BCAS3: variants seen among roughly 807,000 people sequenced by gnomAD.
The protein encoded by BCAS3 is BCAS4/BCAS3 fusion.
In BCAS3, 53 loss-of-function variants were observed where a neutral mutation model predicts 116.1. That is an observed-to-expected ratio of 0.46 (90% CI 0.37 to 0.57). The LOEUF (loss-of-function observed/expected upper bound fraction) is 0.57. Among genes scored for constraint, BCAS3 ranks in the 20% least tolerant of loss-of-function variants. The probability of loss-of-function intolerance (pLI) is 0.00; values close to 1 mark genes in which losing one functional copy is unlikely to be tolerated. For synonymous variants in BCAS3, 391 were observed against 408.2 expected (o/e 0.96, Z 0.51); for missense variants, 917 against 1,165.4 (o/e 0.79, Z 3.10).
intron 14 of BCAS3, among the ~76,000 whole-genome samples, chr17:60,987,797 C>G (rs577719687): frequency 6.6e-6 from 1 of 152,064 alleles, no homozygotes; most frequent in Admixed American, 6.5e-5. Context: ...TTGACTTTTT[C>G]TTTTCGAATT....
rs564249282 is a variant in BCAS3 at position 61,191,390 on chromosome 17, C to T, written c.2425+106826C>T. ...AAACAATTAAAAAATTTAAGATCCT[C>T]AAAAGGACAAAGTAATAACTTTACA... On this transcript the variant is annotated intron_variant, in intron 22 of 23. Coordinates refer to ENST00000407086, the MANE Select transcript of BCAS3 (RefSeq NM_017679.5). Among the ~76,000 whole-genome samples, 5 of 152,238 alleles carry T rather than the reference C, an allele frequency of 3.3e-5. No individual in the cohort carries two copies. In the East Asian group the frequency reaches 9.6e-4, roughly 29 times the overall value.
At chr17:60,812,506 A>G (rs1289440068) in intron 7 of BCAS3, among the ~76,000 whole-genome samples, 1 of 152,078 alleles carries the variant, frequency 6.6e-6, no homozygotes, top group East Asian at 1.9e-4. Flanking sequence ...AAAAGACAGG[A>G]GATGTGATAG....
chr17:61,154,664 A>G (rs186058868), intron 22 of BCAS3, among the ~76,000 whole-genome samples: 29 of 152,166 alleles, frequency 1.9e-4, no homozygotes, highest in African/African-American at 6.5e-4. Context: ...GCTGGTCTCA[A>G]ACTCCTGAGC....
intron 16 of BCAS3, among the ~76,000 whole-genome samples, chr17:61,033,930 GTCC>G (rs1481950072): frequency 2.6e-5 from 4 of 152,210 alleles, no homozygotes; most frequent in Non-Finnish European, 5.9e-5. Context: ...TACTAAATGT[GTCC>G]TCAGACATAT....
At chr17:61,154,983 T>C (rs2077751390) in intron 22 of BCAS3, among the ~76,000 whole-genome samples, 1 of 152,290 alleles carries the variant, frequency 6.6e-6, no homozygotes, top group African/African-American at 2.4e-5. Flanking sequence ...GTTTTTCTAT[T>C]TGCATTTTTT....
chr17:61,343,920 C>A lies in BCAS3; in HGVS notation c.2426-24407C>A, dbSNP rs1203528478. The stretch of plus-strand genomic sequence containing the variant: ...CCCCTTTCGCTTCCTTCCACACAGT[C>A]CAGTGCTTTGTTAGGTACCTGCATC... On this transcript the variant is annotated intron_variant, in intron 22 of 23. Transcript: ENST00000407086. The surrounding 1 kb of genome is among the most constrained non-coding windows in gnomAD (Gnocchi z 5.5). Among the ~76,000 whole-genome samples the A allele has an allele frequency of 6.6e-6, 1 of 152,186 alleles. No individual in the cohort carries two copies. The highest frequency in any genetic ancestry group is 1.5e-5 in the Non-Finnish European group (1 of 68,036).
chr17:60,735,795 T>G (rs1343710467), intron 5 of BCAS3, among the ~76,000 whole-genome samples: 1 of 152,196 alleles, frequency 6.6e-6, no homozygotes, highest in Non-Finnish European at 1.5e-5. Flanking sequence ...GGAAGTTCCC[T>G]TCTATTCCTA....
In BCAS3 at chr17:60,961,017, C is replaced by T. The variant is rs546759030; in HGVS notation, c.1221+13665C>T. On this transcript the variant is annotated intron_variant, in intron 14 of 23. Transcript: ENST00000407086. The surrounding 1 kb of genome is among the most constrained non-coding windows in gnomAD (Gnocchi z 4.8). ...ATGTCTTCAGCAGAATGTTGTCAAG[C>T]TATACTCCTGGCCTTCAGAGCACAT... Among the ~76,000 whole-genome samples, 1 of 152,108 alleles carries T rather than the reference C, an allele frequency of 6.6e-6. No individual in the cohort carries two copies. The highest frequency in any genetic ancestry group is 1.9e-4 in the East Asian group (1 of 5,154).
intron 16 of BCAS3, among the ~76,000 whole-genome samples, chr17:61,022,693 G>A (rs2145560958): frequency 6.6e-6 from 1 of 152,222 alleles, no homozygotes; most frequent in Middle Eastern, 3.4e-3. Context: ...AGGCTCAAGT[G>A]CAGTAGTGTG....
chr17:61,038,662 GTTTTTGTTTTTTTTTTTTTT>G (rs2067244199), intron 18 of BCAS3, among the ~76,000 whole-genome samples: 1 of 113,476 alleles, frequency 8.8e-6, no homozygotes, highest in African/African-American at 4.2e-5. Context: ...TTTTGTTTTT[GTTTTTGTTTTTTTTTTTTTT>G]TTTTTGGAGA....
chr17:61,179,521 G>A (rs1163732309), intron 22 of BCAS3, among the ~76,000 whole-genome samples: 1 of 152,158 alleles, frequency 6.6e-6, no homozygotes, highest in Non-Finnish European at 1.5e-5. Flanking sequence ...TTTGTGCCAT[G>A]AGGTGGGGGA....
chr17:61,062,001 G>A (rs2070102763), intron 19 of BCAS3, among the ~76,000 whole-genome samples: 1 of 152,002 alleles, frequency 6.6e-6, no homozygotes, highest in Non-Finnish European at 1.5e-5. Flanking sequence ...AAAAATAGGG[G>A]GAAAAACACA....
intron 11 of BCAS3, among the ~76,000 whole-genome samples, chr17:60,903,286 T>A (rs548872115): frequency 6.6e-6 from 1 of 152,120 alleles, no homozygotes. Flanking sequence ...AGAACAACAG[T>A]TTAAAGCAAA....
chr17:61,286,658 C>T lies in BCAS3; in HGVS notation c.2426-81669C>T, dbSNP rs142174976. Among the ~76,000 whole-genome samples, 415 of 152,234 alleles carry T rather than the reference C, an allele frequency of 2.7e-3. 1 individual carries two copies. Among genetic ancestry groups the T allele is most frequent in the Admixed American group, 3.1e-3 (47 of 15,288 alleles). ...GGCTAAGTTAAATACTCGCTTTACACCGTTGTGAAGGCAGCTCCCAGGGCA... is the reference window on the plus strand; with the variant it reads ...GGCTAAGTTAAATACTCGCTTTACATCGTTGTGAAGGCAGCTCCCAGGGCA... On this transcript the variant is annotated intron_variant, in intron 22 of 23. Coordinates refer to ENST00000407086, the MANE Select transcript of BCAS3 (RefSeq NM_017679.5). The surrounding 1 kb of genome is among the most constrained non-coding windows in gnomAD (Gnocchi z 4.8).
chr17:61,100,807 C>T (rs777060918), intron 22 of BCAS3, among the ~76,000 whole-genome samples: 1 of 152,154 alleles, frequency 6.6e-6, no homozygotes, highest in Admixed American at 6.5e-5. Flanking sequence ...CTTTACAACA[C>T]GGCCCTGCAT....
chr17:61,030,703 G>A (rs751055158), intron 16 of BCAS3, among the ~76,000 whole-genome samples: 4 of 151,732 alleles, frequency 2.6e-5, no homozygotes, highest in Non-Finnish European at 4.4e-5. Flanking sequence ...TTGCGTGTTT[G>A]TTTTTCTTTT....
intron 12 of BCAS3, among the ~76,000 whole-genome samples, chr17:60,916,251 C>A (rs143954649): frequency 1.4e-4 from 21 of 152,264 alleles, no homozygotes; most frequent in African/African-American, 4.8e-4. Context: ...ATTTTATATT[C>A]CCACCAGCAC....
intron 22 of BCAS3, among the ~76,000 whole-genome samples, chr17:61,114,613 T>C (rs1196686508): frequency 6.6e-6 from 1 of 151,944 alleles, no homozygotes; most frequent in African/African-American, 2.4e-5. Context: ...TGGAAGAACA[T>C]TCCATGCTCA....
At chr17:60,963,555 AT>A (rs148722954) in intron 14 of BCAS3, among the ~76,000 whole-genome samples, 11,940 of 125,930 alleles carry the variant, frequency 0.095, 1,453 homozygotes, top group African/African-American at 0.36. Context: ...AATGCTATCG[AT>A]TTTTTTTTTT....
Sources: allele counts gnomAD v4.1 joint callset (sites outside exome capture counted in the v4.1 genomes callset), GRCh38; gene constraint gnomAD v4.1.1; non-coding constraint Gnocchi (gnomAD v3.1); transcripts MANE v1.5; gene names NCBI Gene and HGNC (gene_info 2026-07-23, HGNC 2026-07-21).